Variants in LAMB4 observed in about 807,000 individuals in gnomAD.
LAMB4 encodes the protein laminin subunit beta-4.
LAMB4 carries 196 observed loss-of-function variants against 199.2 expected under a neutral mutation model. That is an observed-to-expected ratio of 0.98 (90% CI 0.88 to 1.11). The LOEUF is 1.11. LAMB4 is among the 50% of genes least tolerant of loss of function. The pLI is 0.00. For synonymous variants in LAMB4, 744 were observed against 770.6 expected (o/e 0.97, Z 0.57); for missense variants, 2,080 against 2,171.2 (o/e 0.96, Z 0.83).
chr7:108,038,314 C>T (rs2150500788), intron 29 of LAMB4, among the ~76,000 whole-genome samples: 1 of 152,234 alleles, frequency 6.6e-6, no homozygotes, highest in Non-Finnish European at 1.5e-5. Flanking sequence ...TATGCACCAC[C>T]ATGCCCAGCT....
chr7:108,021,569 C>T (rs1294102767), downstream of LAMB4, among the ~76,000 whole-genome samples: 2 of 151,946 alleles, frequency 1.3e-5, no homozygotes, highest in East Asian at 1.9e-4. Flanking sequence ...ATTAGCCGGG[C>T]GTGGTGGCAC....
At chr7:108,059,465 T>C (rs1316944862) in intron 23 of LAMB4, among the ~76,000 whole-genome samples, 1 of 152,156 alleles carries the variant, frequency 6.6e-6, no homozygotes, top group East Asian at 1.9e-4. Flanking sequence ...CCTCTAATTC[T>C]CTCTAGCCTT....
chr7:108,100,172 T>G (rs2037767600), intron 10 of LAMB4, among the ~76,000 whole-genome samples: 1 of 152,224 alleles, frequency 6.6e-6, no homozygotes, highest in Non-Finnish European at 1.5e-5. Flanking sequence ...AATAGCCTTA[T>G]GTCATGACCT....
At chr7:108,039,806 A>C (rs1168841074) in intron 29 of LAMB4, among the ~76,000 whole-genome samples, 2 of 152,176 alleles carry the variant, frequency 1.3e-5, no homozygotes, top group African/African-American at 4.8e-5. Context: ...GTTCTAGTAC[A>C]TCATACTGAA....
chr7:108,023,901 G>A lies in LAMB4; in HGVS notation c.*138C>T, dbSNP rs2034745523. 1 of 539,258 alleles carries A rather than the reference G, an allele frequency of 1.9e-6. No individual in the cohort carries two copies. The highest frequency in any genetic ancestry group is 2.0e-5 in the African/African-American group (1 of 50,904). 33.4% of individuals were successfully genotyped at this position (539,258 alleles called of 1,614,324 possible). On this transcript the variant is annotated 3_prime_UTR_variant, in exon 34 of 34. Coordinates refer to ENST00000388781, the MANE Select transcript of LAMB4 (RefSeq NM_007356.3). The stretch of plus-strand genomic sequence containing the variant: ...GCATTTCAACCTCCAGCCACACTGA[G>A]CAGGTGTCTAATAAGGACAGGGTGT...
At chr7:108,074,274 G>A (rs1005454784) in intron 17 of LAMB4, among the ~76,000 whole-genome samples, 1 of 152,152 alleles carries the variant, frequency 6.6e-6, no homozygotes, top group Non-Finnish European at 1.5e-5. Context: ...CCAATTATGG[G>A]TTATTCTCTT....
chr7:108,076,918 C>T (rs758317420), intron 17 of LAMB4, 26 bp downstream of exon 17: 124 of 1,611,082 alleles, frequency 7.7e-5, no homozygotes, highest in Non-Finnish European at 1.0e-4. Context: ...GCGAAGAAAG[C>T]ACCCACAAAA....
chr7:108,122,189 C>T (rs73725353), intron 2 of LAMB4, among the ~76,000 whole-genome samples: 13,096 of 152,246 alleles, frequency 0.086, 1,826 homozygotes, highest in African/African-American at 0.29. Flanking sequence ...ATATTCTATA[C>T]AAAGGCTGGG....
intron 6 of LAMB4, among the ~76,000 whole-genome samples, chr7:108,107,008 A>T (rs1193033188): frequency 6.6e-6 from 1 of 152,200 alleles, no homozygotes; most frequent in African/African-American, 2.4e-5. Flanking sequence ...AAAGGTATTA[A>T]TCAGTCATTT....
chr7:108,027,023 T>C, intron 33 of LAMB4: 1 of 423,314 alleles, frequency 2.4e-6, no homozygotes, highest in Non-Finnish European at 4.6e-6. Flanking sequence ...CTATAAAAGC[T>C]GTGGTCAATG....
At chr7:108,063,168 A>T (rs948289011) in intron 22 of LAMB4, among the ~76,000 whole-genome samples, 174 bp from the exon 23 acceptor site, 1 of 152,164 alleles carries the variant, frequency 6.6e-6, no homozygotes, top group African/African-American at 2.4e-5. Context: ...GAACCCATTT[A>T]ATGGTTTCTG....
chr7:108,062,042 T>G (rs1563056838), intron 23 of LAMB4, among the ~76,000 whole-genome samples: 3 of 152,208 alleles, frequency 2.0e-5, no homozygotes, highest in Non-Finnish European at 4.4e-5. Flanking sequence ...TCCCCCAAAC[T>G]CTATTAATGT....
At chr7:108,078,057 G>A in intron 16 of LAMB4, 144 bp downstream of exon 16, 1 of 632,816 alleles carries the variant, frequency 1.6e-6, no homozygotes. Flanking sequence ...GTAAAGCATA[G>A]TGCAGCACCC....
At position 108,111,634 on chromosome 7, in the gene LAMB4, G is replaced by A. The variant is rs190495375; in HGVS notation, c.328+177C>T. ...CATTTTGATTTTCCTGTAAAGGAAA[G>A]TATTCTTGTTAAAATGAAAATAAAT... is the stretch of plus-strand genomic sequence containing the variant. On this transcript the variant is annotated intron_variant, in intron 4 of 33. Transcript: ENST00000388781. 2.6e-5 allele frequency among the ~76,000 whole-genome samples: 4 copies of A among 152,300 alleles called. No individual in the cohort carries two copies. In the East Asian group the frequency reaches 7.7e-4, roughly 29 times the overall value.
intron 14 of LAMB4, 78 bp downstream of exon 14, chr7:108,091,548 G>T: frequency 3.4e-6 from 5 of 1,470,550 alleles, no homozygotes; most frequent in Middle Eastern, 1.8e-4. Context: ...TCTTAACCAC[G>T]ATCTCAAGTA....
intron 1 of LAMB4, among the ~76,000 whole-genome samples, chr7:108,125,367 G>A (rs1441516902): frequency 6.6e-6 from 1 of 152,158 alleles, no homozygotes; most frequent in Non-Finnish European, 1.5e-5. Flanking sequence ...AGAACTGCCC[G>A]TGTGCTTCAT....
intron 2 of LAMB4, among the ~76,000 whole-genome samples, chr7:108,117,574 G>A (rs1455310526): frequency 6.6e-6 from 1 of 152,100 alleles, no homozygotes; most frequent in African/African-American, 2.4e-5. Flanking sequence ...AAGGGGTCCC[G>A]ACCCAGACCC....
intron 3 of LAMB4, among the ~76,000 whole-genome samples, chr7:108,113,918 T>C (rs2038320416): frequency 6.7e-6 from 1 of 148,874 alleles, no homozygotes. Flanking sequence ...TATAATACAC[T>C]TTGTCAGCCT....
chr7:108,118,949 A>G (rs2038504434), intron 2 of LAMB4, among the ~76,000 whole-genome samples: 1 of 152,232 alleles, frequency 6.6e-6, no homozygotes, highest in Non-Finnish European at 1.5e-5. Context: ...TCAACATTAA[A>G]AAAGCCAATC....
Sources: allele counts gnomAD v4.1 joint callset (sites outside exome capture counted in the v4.1 genomes callset), GRCh38; gene constraint gnomAD v4.1.1; transcripts MANE v1.5; gene names NCBI Gene and HGNC (gene_info 2026-07-23, HGNC 2026-07-21).